The following FAT3 variants were observed in gnomAD, a reference collection of about 807,000 sequenced individuals.
FAT3 encodes FAT atypical cadherin 3.
A neutral mutation model predicts 310.2 loss-of-function variants in FAT3; 95 were observed. That is an observed-to-expected ratio of 0.31 (90% CI 0.26 to 0.36). The LOEUF is 0.36. Among genes scored for constraint, FAT3 ranks in the 10% least tolerant of loss-of-function variants. The pLI is 1.00. For missense variants in FAT3, 5,408 were observed against 5,715.6 expected, an observed-to-expected ratio of 0.95 and a Z score of 1.74; for synonymous variants, 2,314 against 2,192.9, an observed-to-expected ratio of 1.06 and a Z score of -1.54.
At chr11:92,837,845 A>G (rs967478201) in intron 17 of FAT3, 39 bp downstream of exon 17, 15 of 1,612,994 alleles carry the variant, frequency 9.3e-6, no homozygotes, top group African/African-American at 8.0e-5. Flanking sequence ...GTCCCTTTGC[A>G]TTCAGCTTTC....
intron 3 of FAT3, among the ~76,000 whole-genome samples, chr11:92,623,974 G>T (rs531414616): frequency 1.3e-5 from 2 of 152,010 alleles, no homozygotes; most frequent in Non-Finnish European, 2.9e-5. Flanking sequence ...CGCTTACCCC[G>T]TATAACAGAT....
intron 6 of FAT3, among the ~76,000 whole-genome samples, chr11:92,771,229 G>A (rs145302899): frequency 1.1e-3 from 172 of 152,236 alleles, no homozygotes; most frequent in African/African-American, 3.8e-3. Flanking sequence ...TACTGGCTCT[G>A]AGGAAGCACA....
intron 3 of FAT3, among the ~76,000 whole-genome samples, chr11:92,666,779 T>C (rs1942967934): frequency 6.6e-6 from 1 of 152,052 alleles, no homozygotes; most frequent in Non-Finnish European, 1.5e-5. Flanking sequence ...GTAGGAGAGC[T>C]GAGCTATAGT....
At chr11:92,294,265 G>A (rs1050761599) in intron 1 of FAT3, among the ~76,000 whole-genome samples, 4 of 151,904 alleles carry the variant, frequency 2.6e-5, no homozygotes, top group Non-Finnish European at 5.9e-5. Flanking sequence ...TTCAATCAAG[G>A]CCCCACCCTT....
At chr11:92,612,516 T>C (rs1264880251) in intron 3 of FAT3, among the ~76,000 whole-genome samples, 5 of 152,200 alleles carry the variant, frequency 3.3e-5, no homozygotes, top group African/African-American at 9.6e-5. Context: ...AGGATTTCTA[T>C]GCAATTCAAT....
chr11:92,805,345 A>T lies in FAT3; in HGVS notation c.9089A>T (p.Asp3030Val), dbSNP rs1189757010. 1.2e-6 allele frequency: 2 copies of T among 1,612,464 alleles called. No individual in the cohort carries two copies. Among genetic ancestry groups the T allele is most frequent in the African/African-American group, 1.3e-5 (1 of 74,896 alleles). ...SDVNDNSPVC[D>V]QVAYTALLPE... ...GTGAATGACAATAGCCCAGTGTGTG[A>T]TCAGGTGAGATTTGGGGATAGGGTT... Residue 3030 changes from aspartate to valine, a missense_variant, in exon 11 of 28, where the codon GAT becomes GTT. Asp to Val is a radical substitution (Grantham distance 152). Transcript: ENST00000525166.
At chr11:92,698,495 A>G (rs1311644877) in intron 4 of FAT3, among the ~76,000 whole-genome samples, 1 of 152,182 alleles carries the variant, frequency 6.6e-6, no homozygotes, top group Non-Finnish European at 1.5e-5. Context: ...AAACAATTAC[A>G]ATCCTTTATA....
At position 92,837,692 on chromosome 11, in the gene FAT3, C is replaced by A. The variant is rs537179890; in HGVS notation, c.10254C>A (p.Ala3418=). The change falls in exon 17 of 28, where the codon GCC becomes GCA. Residue 3418 remains alanine (A), a synonymous_variant. Coordinates refer to ENST00000525166, the MANE Select transcript of FAT3 (RefSeq NM_001367949.2). ...RVSGYSLLVQ[A]VDSGIPAMSS... ...CTGGATACTCTCTGCTTGTCCAGGC[C>A]GTAGACAGTGGCATTCCTGCAATGT... 12 of 1,613,724 alleles carry A rather than the reference C, an allele frequency of 7.4e-6. No homozygotes were observed. In the South Asian group the frequency reaches 1.1e-4, roughly 15 times the overall value.
At chr11:92,456,357 T>G (rs1269032673) in intron 2 of FAT3, among the ~76,000 whole-genome samples, 2 of 152,188 alleles carry the variant, frequency 1.3e-5, no homozygotes, top group East Asian at 1.9e-4. Context: ...AAATAATAAG[T>G]GACCTATGAT....
chr11:92,757,370 G>A (rs1283519521), intron 4 of FAT3, among the ~76,000 whole-genome samples: 1 of 152,194 alleles, frequency 6.6e-6, no homozygotes, highest in Non-Finnish European at 1.5e-5. Flanking sequence ...GTTCTTTTGT[G>A]AGGCTGTAGC....
chr11:92,459,560 C>G (rs896497992), intron 2 of FAT3, among the ~76,000 whole-genome samples: 1 of 152,188 alleles, frequency 6.6e-6, no homozygotes, highest in Non-Finnish European at 1.5e-5. Flanking sequence ...CTTCACAACT[C>G]TCTCCAACTT....
intron 1 of FAT3, among the ~76,000 whole-genome samples, chr11:92,273,368 C>T (rs1429361085): frequency 6.6e-6 from 1 of 152,058 alleles, no homozygotes; most frequent in Non-Finnish European, 1.5e-5. Context: ...ATCCCTGCCC[C>T]TTTCTAGATT....
At chr11:92,306,303 C>T (rs1048995812) in intron 1 of FAT3, among the ~76,000 whole-genome samples, 1 of 150,782 alleles carries the variant, frequency 6.6e-6, no homozygotes. Flanking sequence ...AAAATATATT[C>T]ACAAATCTAC....
intron 12 of FAT3, 79 bp downstream of exon 12, chr11:92,806,594 G>C: frequency 8.2e-6 from 10 of 1,224,538 alleles, no homozygotes; most frequent in Admixed American, 7.4e-5. Flanking sequence ...CTCATCACTA[G>C]TAAATAGTTA....
chr11:92,315,477 GTGTATATATATA>G (rs1270564029), intron 1 of FAT3, among the ~76,000 whole-genome samples: 1,937 of 80,876 alleles, frequency 0.024, 22 homozygotes, highest in Non-Finnish European at 0.032. Context: ...GTGTGTGTGT[GTGTATATATATA>G]TATATATATA....
intron 2 of FAT3, among the ~76,000 whole-genome samples, chr11:92,418,139 C>T (rs1042540118): frequency 6.6e-6 from 1 of 152,158 alleles, no homozygotes; most frequent in African/African-American, 2.4e-5. Flanking sequence ...TCTTCCAACT[C>T]TATTCCATCA....
At chr11:92,735,967 A>G (rs1945333399) in intron 4 of FAT3, among the ~76,000 whole-genome samples, 1 of 152,160 alleles carries the variant, frequency 6.6e-6, no homozygotes, top group African/African-American at 2.4e-5. Context: ...GACATAATTT[A>G]TATTTGCTCA....
At chr11:92,364,728 A>G (rs1235745364) in intron 2 of FAT3, among the ~76,000 whole-genome samples, 1 of 152,226 alleles carries the variant, frequency 6.6e-6, no homozygotes, top group Non-Finnish European at 1.5e-5. Context: ...AATTCTGGGC[A>G]TTGGTATACA....
At chr11:92,237,288 G>A (rs1024687751) in intron 1 of FAT3, among the ~76,000 whole-genome samples, 1 of 152,146 alleles carries the variant, frequency 6.6e-6, no homozygotes, top group African/African-American at 2.4e-5. Context: ...CGGGCAGGCT[G>A]GAGCAGTCTG....
Sources: gnomAD v4.1 joint callset for allele counts (sites outside exome capture counted in the v4.1 genomes callset) on GRCh38, gnomAD v4.1.1 for gene constraint, MANE v1.5 for transcripts, NCBI Gene and HGNC (gene_info 2026-07-23, HGNC 2026-07-21) for gene names.